Variants in TMEM95 observed in about 807,000 individuals in gnomAD.
TMEM95 encodes sperm-egg fusion protein TMEM95.
TMEM95 carries 21 observed loss-of-function variants against 27.7 expected under a neutral mutation model. The observed-to-expected ratio is 0.76, with a 90% CI of 0.54 to 1.09. TMEM95 has a LOEUF of 1.09. Among genes scored for constraint, TMEM95 ranks in the 50% least tolerant of loss-of-function variants. The pLI, the probability that TMEM95 is intolerant of heterozygous loss-of-function variation, is 0.00. For synonymous variants in TMEM95, 77 were observed against 85.7 expected (o/e 0.90, Z 0.56); for missense variants, 203 against 217.9 (o/e 0.93, Z 0.43).
chr17:7,355,282 C>A lies in TMEM95; in HGVS notation c.78C>A (p.Asp26Glu). 2 of 1,614,080 alleles carry A rather than the reference C, an allele frequency of 1.2e-6. No homozygotes were observed. The highest frequency in any genetic ancestry group is 1.7e-6 in the Non-Finnish European group (2 of 1,179,970). Residue 26 changes from aspartate (D) to glutamate (E), a missense_variant, in exon 1 of 7, where the codon GAC becomes GAA. Coordinates refer to ENST00000576060, the MANE Select transcript of TMEM95 (RefSeq NM_001320436.2). This position sits in a 1 kb window ranked among gnomAD's most constrained non-coding sequence, Gnocchi z 4.9. ...TCTTCTGTCGCCTCCCAGCCCACGA[C>A]TTGTCAGGCCGCCTGGCTCGGCTCT... ...ACVFCRLPAH[D>E]LSGRLARLCS... is the part of the protein sequence containing the mutation.
Position 7,355,836 on chromosome 17 carries a change from A to G in TMEM95, c.227-2A>G. On this transcript the variant is annotated splice_acceptor_variant, in intron 2 of 6. Transcript: ENST00000576060. LOFTEE classifies it high-confidence loss of function. This position sits in a 1 kb window ranked among gnomAD's most constrained non-coding sequence, Gnocchi z 4.9. ...AAACGGAGCTGCTGTCTGCCTCCCCAGAAATCAAAGAGGCTGTCTCCTCAC... is the reference window on the plus strand; with the variant it reads ...AAACGGAGCTGCTGTCTGCCTCCCCGGAAATCAAAGAGGCTGTCTCCTCAC... 6.2e-7 allele frequency: 1 copy of G among 1,613,940 alleles called. No individual in the cohort carries two copies. Among genetic ancestry groups the G allele is most frequent in the African/African-American group, 1.3e-5 (1 of 74,974 alleles).
Position 7,356,749 on chromosome 17 carries a change from C to A in TMEM95, c.*117C>A. On this transcript the variant is annotated 3_prime_UTR_variant, in exon 7 of 7. Transcript: ENST00000576060. Reference sequence around the variant, plus strand: ...CCAGCTCCAAAGACAGTCTCCAGACCCTAAAACCCAGACATCCCTGCTTCT... The same window carrying A: ...CCAGCTCCAAAGACAGTCTCCAGACACTAAAACCCAGACATCCCTGCTTCT... The A allele has an allele frequency of 1.8e-6, 2 of 1,132,664 alleles. No homozygotes were observed. Among genetic ancestry groups the A allele is most frequent in the South Asian group, 1.5e-5 (1 of 65,724 alleles). The allele number at this position is 1,132,664 out of a possible 1,614,324, so 70.2% of individuals were successfully genotyped here.
Position 7,356,601 on chromosome 17 carries a change from C to T in TMEM95, c.500C>T (p.Ser167Phe), listed in dbSNP as rs77805790. ...TTCCCACCCTCGTCTTCCCTCAGGT[C>T]CCACCACCTCCAAGCAAAAAGTGGC... Reference protein sequence around the residue: ...LLGVLSLLVESHHLQAKSGL With the variant: ...LLGVLSLLVEFHHLQAKSGL Residue 167 changes from serine (S) to phenylalanine (F), a missense_variant and splice_region_variant, in exon 7 of 7, where the codon TCC becomes TTC. Ser to Phe is a radical substitution (Grantham distance 155, BLOSUM62 -2). Transcript: ENST00000576060. The T allele has an allele frequency of 9.5e-4, 1,530 of 1,610,908 alleles. 17 individuals are homozygous for T. In the East Asian group the frequency reaches 0.027, roughly 29 times the overall value.
At position 7,355,653 on chromosome 17, in the gene TMEM95, G is replaced by A. The variant is rs1328292513; in HGVS notation, c.226+11G>A. ...TCCTGAGGGTCATGGGTGAGGTCAA[G>A]GGGAAAGAGTGACCTAGGGGCTTGG... On this transcript the variant is annotated intron_variant, in intron 2 of 6. Coordinates refer to ENST00000576060, the MANE Select transcript of TMEM95 (RefSeq NM_001320436.2). The surrounding 1 kb of genome is among the most constrained non-coding windows in gnomAD (Gnocchi z 4.9). 3.2e-6 allele frequency: 5 copies of A among 1,563,500 alleles called. No homozygotes were observed. Among genetic ancestry groups the A allele is most frequent in the Non-Finnish European group, 4.3e-6 (5 of 1,152,574 alleles).
In TMEM95 at chr17:7,356,408, G is replaced by A; in HGVS notation, c.426G>A (p.Trp142Ter). The change falls in exon 6 of 7, where the codon TGG becomes TGA. Residue 142 changes from tryptophan (W) to a stop codon, truncating the protein, a stop_gained. Transcript: ENST00000576060. LOFTEE classifies it high-confidence loss of function. ...KRCFPGSQDL[W>*]EAKILLLSIF... ...TCCCTGCAGGAAGTCAGGATCTTTGGGAAGCCAAGATTCTGCTCCTCTCCA... is the reference window on the plus strand; with the variant it reads ...TCCCTGCAGGAAGTCAGGATCTTTGAGAAGCCAAGATTCTGCTCCTCTCCA... 1.9e-6 allele frequency: 3 copies of A among 1,614,036 alleles called. No individual in the cohort carries two copies. Among genetic ancestry groups the A allele is most frequent in the Non-Finnish European group, 1.7e-6 (2 of 1,179,982 alleles).
chr17:7,355,223 G>C lies in TMEM95; in HGVS notation c.19G>C (p.Gly7Arg), dbSNP rs754301185. The change falls in exon 1 of 7, where the codon GGC (glycine) becomes CGC (arginine). Residue 7 changes from glycine to arginine, a missense_variant. Physicochemically the swap from Gly to Arg is moderately radical, Grantham distance 125. Coordinates refer to ENST00000576060, the MANE Select transcript of TMEM95 (RefSeq NM_001320436.2). This position sits in a 1 kb window ranked among gnomAD's most constrained non-coding sequence, Gnocchi z 4.9. MWRLAL[G>R]GVFLAAAQAC... The stretch of plus-strand genomic sequence containing the variant: ...GGTCCTCATGTGGAGGCTGGCACTA[G>C]GCGGGGTTTTCCTGGCAGCCGCCCA... The C allele has an allele frequency of 6.2e-7, 1 of 1,613,488 alleles. No homozygotes were observed. Among genetic ancestry groups the C allele is most frequent in the Non-Finnish European group, 8.5e-7 (1 of 1,179,816 alleles).
chr17:7,355,644 T>C lies in TMEM95; in HGVS notation c.226+2T>C. On this transcript the variant is annotated splice_donor_variant, in intron 2 of 6. Transcript: ENST00000576060. LOFTEE classifies it high-confidence loss of function. The surrounding 1 kb of genome is among the most constrained non-coding windows in gnomAD (Gnocchi z 4.9). ...CTCACAGAGTCCTGAGGGTCATGGG[T>C]GAGGTCAAGGGGAAAGAGTGACCTA... 6.4e-7 allele frequency: 1 copy of C among 1,556,910 alleles called. No homozygotes were observed. Among genetic ancestry groups the C allele is most frequent in the Non-Finnish European group, 8.7e-7 (1 of 1,151,244 alleles).
At chr17:7,356,112 G>C in intron 4 of TMEM95, 63 bp downstream of exon 4, 1 of 1,611,074 alleles carries the variant, frequency 6.2e-7, no homozygotes, top group Middle Eastern at 1.7e-4. Context: ...AGGAGGGCCT[G>C]GCAGCTGCAG....
rs6503016 is a variant in TMEM95 at position 7,355,754 on chromosome 17, C to T, written c.227-84C>T. 0.53 allele frequency: 789,347 copies of T among 1,493,226 alleles called. 213,571 individuals carry two copies. The highest frequency in any genetic ancestry group is 0.62 in the African/African-American group (43,807 of 71,030). The allele number at this position is 1,493,226 out of a possible 1,614,324, so 92.5% of individuals were successfully genotyped here. The stretch of plus-strand genomic sequence containing the variant: ...GGGTGGAGGGGTAGAGACAGGAGGG[C>T]TGATCAGGGAGGGGCTGCGTGAAGA... On this transcript the variant is annotated intron_variant, in intron 2 of 6. Transcript: ENST00000576060. This position sits in a 1 kb window ranked among gnomAD's most constrained non-coding sequence, Gnocchi z 4.9.
chr17:7,356,857 CCCAGG>C lies in TMEM95; in HGVS notation c.*227_*231del, dbSNP rs1304511476. On this transcript the variant is annotated 3_prime_UTR_variant, in exon 7 of 7. Coordinates refer to ENST00000576060, the MANE Select transcript of TMEM95 (RefSeq NM_001320436.2). Reference sequence around the variant, plus strand: ...CCAGTGTCAGATGGCCTCCCGGGAACCCAGGCACCCACAGCTGGAAAGTTCCTCCC... The same window carrying C: ...CCAGTGTCAGATGGCCTCCCGGGAACCACCCACAGCTGGAAAGTTCCTCCC... 1.8e-6 allele frequency: 1 copy of C among 548,930 alleles called. No homozygotes were observed. The highest frequency in any genetic ancestry group is 3.2e-6 in the Non-Finnish European group (1 of 308,780). The allele number at this position is 548,930 out of a possible 1,614,324, so 34.0% of individuals were successfully genotyped here.
chr17:7,356,668 G>C lies in TMEM95; in HGVS notation c.*36G>C, dbSNP rs1386939696. 1.2e-6 allele frequency: 2 copies of C among 1,609,290 alleles called. No homozygotes were observed. Among genetic ancestry groups the C allele is most frequent in the African/African-American group, 1.3e-5 (1 of 74,768 alleles). On this transcript the variant is annotated 3_prime_UTR_variant, in exon 7 of 7. Coordinates refer to ENST00000576060, the MANE Select transcript of TMEM95 (RefSeq NM_001320436.2). The stretch of plus-strand genomic sequence containing the variant: ...AACCTCCCAGCCTCCAGCTCTAAGG[G>C]GTATGCACTCACAACTTCCACATCC...
Position 7,355,906 on chromosome 17 carries a change from T to C in TMEM95, c.295T>C (p.Tyr99His), listed in dbSNP as rs1222369744. 6.2e-7 allele frequency: 1 copy of C among 1,613,730 alleles called. No homozygotes were observed. Among genetic ancestry groups the C allele is most frequent in the Non-Finnish European group, 8.5e-7 (1 of 1,179,818 alleles). Reference sequence around the variant, plus strand: ...GCTTCGAAAGACCAAGCTCCCTGAGTACACCAGGGAAGGTACCGATGCGGG... The same window carrying C: ...GCTTCGAAAGACCAAGCTCCCTGAGCACACCAGGGAAGGTACCGATGCGGG... ...SWLRKTKLPE[Y>H]TREALCPPAC... The change falls in exon 3 of 7, where the codon TAC (tyrosine) becomes CAC (histidine). Residue 99 changes from tyrosine to histidine, a missense_variant. Tyr to His is a moderately conservative substitution (Grantham distance 83). Transcript: ENST00000576060. The surrounding 1 kb of genome is among the most constrained non-coding windows in gnomAD (Gnocchi z 4.9).
intron 6 of TMEM95, 36 bp from the exon 7 acceptor site, chr17:7,356,563 C>T: frequency 6.2e-7 from 1 of 1,612,252 alleles, no homozygotes; most frequent in Non-Finnish European, 8.5e-7. Context: ...CCTCCCAGGC[C>T]CCTCCCGTAG....
intron 4 of TMEM95, 33 bp downstream of exon 4, chr17:7,356,082 T>TGGGGCCTGCAGGGTGTCAGAGG (rs2073494445): frequency 6.2e-7 from 1 of 1,613,832 alleles, no homozygotes; most frequent in African/African-American, 1.3e-5. Flanking sequence ...AGCAAGGACC[T>TGGGGCCTGCAGGGTGTCAGAGG]GGGGCCTGCA....
Position 7,355,788 on chromosome 17 carries a change from A to T in TMEM95, c.227-50A>T, listed in dbSNP as rs765040073. On this transcript the variant is annotated intron_variant, in intron 2 of 6. Transcript: ENST00000576060. The surrounding 1 kb of genome is among the most constrained non-coding windows in gnomAD (Gnocchi z 4.9). ...GAGGGGCTGCGTGAAGAGAGGGGGA[A>T]CTGGCCCCGTCGAGGCCCAGGGAAA... The T allele has an allele frequency of 2.1e-5, 34 of 1,587,890 alleles. No individual in the cohort carries two copies. The East Asian group carries it at 6.7e-4, about 31-fold the overall frequency.
Position 7,356,380 on chromosome 17 carries a change from G to A in TMEM95, c.410-12G>A, listed in dbSNP as rs1331769760. The A allele has an allele frequency of 6.2e-7, 1 of 1,612,972 alleles. No individual in the cohort carries two copies. Among genetic ancestry groups the A allele is most frequent in the Non-Finnish European group, 8.5e-7 (1 of 1,179,384 alleles). On this transcript the variant is annotated splice_polypyrimidine_tract_variant and intron_variant, in intron 5 of 6. Transcript: ENST00000576060. ...TCCCAGAATCATTCACTGCCTCCTG[G>A]GTTCCCTGCAGGAAGTCAGGATCTT...
rs2073512768 is a variant in TMEM95, at chr17:7,356,612, C to T, written c.511C>T (p.Gln171Ter). ...GTCTTCCCTCAGGTCCCACCACCTC[C>T]AAGCAAAAAGTGGCTTGTGAAGACG... ...LSLLVESHHLQAKSGL is the reference protein window; with the variant it reads ...LSLLVESHHL The change falls in exon 7 of 7, where the codon CAA (glutamine) becomes TAA (stop). Residue 171 changes from glutamine to a stop codon, truncating the protein, a stop_gained. Transcript: ENST00000576060. LOFTEE classifies it high-confidence loss of function. 1.2e-6 allele frequency: 2 copies of T among 1,610,860 alleles called. No homozygotes were observed. Among genetic ancestry groups the T allele is most frequent in the Middle Eastern group, 1.7e-4 (1 of 6,032 alleles).
At position 7,355,532 on chromosome 17, in the gene TMEM95, G is replaced by T; in HGVS notation, c.170-54G>T. 6.5e-7 allele frequency: 1 copy of T among 1,544,734 alleles called. No homozygotes were observed. Among genetic ancestry groups the T allele is most frequent in the Non-Finnish European group, 8.8e-7 (1 of 1,141,378 alleles). On this transcript the variant is annotated intron_variant, in intron 1 of 6. Transcript: ENST00000576060. This position sits in a 1 kb window ranked among gnomAD's most constrained non-coding sequence, Gnocchi z 4.9. Reference sequence around the variant, plus strand: ...CTCCATATCTGGGAAAGTCAGGAGAGACCCCAGAACCTGGGCTGATGAGGG... The same window carrying T: ...CTCCATATCTGGGAAAGTCAGGAGATACCCCAGAACCTGGGCTGATGAGGG...
chr17:7,356,250 G>C lies in TMEM95; in HGVS notation c.383G>C (p.Cys128Ser). Residue 128 changes from cysteine (C) to serine (S), a missense_variant, in exon 5 of 7, where the codon TGC (cysteine) becomes TCC (serine). Cys to Ser is a moderately radical substitution (Grantham distance 112). Coordinates refer to ENST00000576060, the MANE Select transcript of TMEM95 (RefSeq NM_001320436.2). ...CSTCKGTEVS[C>S]WPRKRCFPGS... The stretch of plus-strand genomic sequence containing the variant: ...ACCTGCAAGGGGACGGAGGTGTCCT[G>C]CTGGCCCCGAAAGCGCTGCTTCCCA... 1 of 1,571,186 alleles carries C rather than the reference G, an allele frequency of 6.4e-7. No individual in the cohort carries two copies. The highest frequency in any genetic ancestry group is 8.6e-7 in the Non-Finnish European group (1 of 1,160,404).
Sources: allele counts gnomAD v4.1 joint callset, GRCh38; gene constraint gnomAD v4.1.1; non-coding constraint Gnocchi (gnomAD v3.1); transcripts MANE v1.5; gene names NCBI Gene and HGNC (gene_info 2026-07-23, HGNC 2026-07-21).